The following CERS6 variants were observed in gnomAD, a reference collection of about 807,000 sequenced individuals.
CERS6 encodes the protein ceramide synthase 6, also known as LAG1 homolog, ceramide synthase 6.
CERS6 carries 26 observed loss-of-function variants against 56.8 expected under a neutral mutation model. The observed-to-expected ratio is 0.46, with a 90% CI of 0.34 to 0.63. The LOEUF is 0.63. Ranked by LOEUF, CERS6 falls within the 30% of genes least tolerant of loss-of-function variation. The pLI, the probability that CERS6 is intolerant of heterozygous loss-of-function variation, is 0.01. For synonymous variants in CERS6, 164 were observed against 173.3 expected (o/e 0.95, Z 0.42); for missense variants, 415 against 467.5 (o/e 0.89, Z 1.04).
intron 4 of CERS6, among the ~76,000 whole-genome samples, chr2:168,688,445 A>G (rs1029683327): frequency 3.9e-5 from 6 of 152,106 alleles, no homozygotes; most frequent in Non-Finnish European, 8.8e-5. Flanking sequence ...TTATGCCCAA[A>G]TTATAAACAG....
chr2:168,586,745 T>G (rs1412021989), intron 3 of CERS6, among the ~76,000 whole-genome samples: 4 of 152,164 alleles, frequency 2.6e-5, no homozygotes, highest in Non-Finnish European at 5.9e-5. Flanking sequence ...TCCCTTAATT[T>G]TTTAAGCAAA....
intron 1 of CERS6, among the ~76,000 whole-genome samples, chr2:168,501,259 T>C (rs1017196698): frequency 1.3e-5 from 2 of 152,226 alleles, no homozygotes; most frequent in East Asian, 3.8e-4. Context: ...GGATGAGATA[T>C]GTTTACCCAG....
intron 1 of CERS6, among the ~76,000 whole-genome samples, chr2:168,502,100 A>T (rs530895965): frequency 6.6e-6 from 1 of 152,160 alleles, no homozygotes; most frequent in South Asian, 2.1e-4. Flanking sequence ...CACATTGCGA[A>T]GTTTGTATAC....
intron 8 of CERS6, among the ~76,000 whole-genome samples, chr2:168,735,841 T>C (rs1466958964): frequency 7.1e-6 from 1 of 141,796 alleles, no homozygotes; most frequent in Non-Finnish European, 1.5e-5. Flanking sequence ...GTAATTGTGC[T>C]ACTGCACTCT....
intron 1 of CERS6, among the ~76,000 whole-genome samples, chr2:168,545,323 C>G (rs934048716): frequency 6.6e-5 from 10 of 152,192 alleles, no homozygotes; most frequent in African/African-American, 2.2e-4. Context: ...AATATGTTAA[C>G]AAAGCATCAT....
chr2:168,634,096 G>A (rs1245083890), intron 4 of CERS6, among the ~76,000 whole-genome samples: 1 of 152,128 alleles, frequency 6.6e-6, no homozygotes, highest in African/African-American at 2.4e-5. Context: ...CTAAAAAATA[G>A]GGAAGTAGAC....
chr2:168,682,940 A>G (rs1686257414), intron 4 of CERS6, among the ~76,000 whole-genome samples: 1 of 152,250 alleles, frequency 6.6e-6, no homozygotes, highest in Non-Finnish European at 1.5e-5. Flanking sequence ...TGTATTATTG[A>G]ACAATCCGAT....
chr2:168,515,970 G>A (rs1175599526), intron 1 of CERS6, among the ~76,000 whole-genome samples: 3 of 152,202 alleles, frequency 2.0e-5, no homozygotes, highest in African/African-American at 7.2e-5. Context: ...TTCTCCAAAT[G>A]GAGGTGGAAT....
chr2:168,578,981 A>G (rs1417942745), intron 3 of CERS6, among the ~76,000 whole-genome samples: 1 of 152,136 alleles, frequency 6.6e-6, no homozygotes, highest in African/African-American at 2.4e-5. Context: ...AACAAGAACA[A>G]AATAACAATT....
At chr2:168,565,482 C>T (rs1559000505) in intron 3 of CERS6, among the ~76,000 whole-genome samples, 2 of 152,110 alleles carry the variant, frequency 1.3e-5, no homozygotes, top group African/African-American at 4.8e-5. Flanking sequence ...ATTTGGAGCT[C>T]GTTGCCTGAG....
chr2:168,715,542 T>A (rs573587403), intron 7 of CERS6, among the ~76,000 whole-genome samples: 1 of 152,250 alleles, frequency 6.6e-6, no homozygotes, highest in Admixed American at 6.5e-5. Flanking sequence ...TTATTGCCAA[T>A]ACACATTTAC....
intron 5 of CERS6, among the ~76,000 whole-genome samples, chr2:168,693,540 C>T (rs1686558857): frequency 6.6e-6 from 1 of 152,124 alleles, no homozygotes; most frequent in Non-Finnish European, 1.5e-5. Flanking sequence ...TTCAGCCATC[C>T]ATCTGCCCTG....
chr2:168,700,220 CTG>C (rs2105371693), intron 6 of CERS6, among the ~76,000 whole-genome samples: 1 of 152,344 alleles, frequency 6.6e-6, no homozygotes, highest in Non-Finnish European at 1.5e-5. Context: ...CGGAGAATAA[CTG>C]GAGCCCATTA....
At chr2:168,634,645 T>A (rs1265982828) in intron 4 of CERS6, among the ~76,000 whole-genome samples, 2 of 152,212 alleles carry the variant, frequency 1.3e-5, no homozygotes, top group Non-Finnish European at 2.9e-5. Context: ...ACTCCTGACC[T>A]CAGGTGATCT....
chr2:168,576,642 G>A (rs1263099352), intron 3 of CERS6, among the ~76,000 whole-genome samples: 1 of 152,146 alleles, frequency 6.6e-6, no homozygotes, highest in Non-Finnish European at 1.5e-5. Context: ...AAGAAATCCT[G>A]TATAAACCCA....
In CERS6 at chr2:168,486,596, C is replaced by T. The variant is rs115967586; in HGVS notation, c.170+29978C>T. On this transcript the variant is annotated intron_variant, in intron 1 of 9. Coordinates refer to ENST00000305747, the MANE Select transcript of CERS6 (RefSeq NM_203463.3). Reference sequence around the variant, plus strand: ...TGTTGAAAAGACAATCGTTTTTCCACGGAATTGCCTTTGCTCTTTGGTCAA... The same window carrying T: ...TGTTGAAAAGACAATCGTTTTTCCATGGAATTGCCTTTGCTCTTTGGTCAA... Among the ~76,000 whole-genome samples the T allele has an allele frequency of 1.7e-3, 257 of 150,390 alleles. 2 individuals carry two copies. Among genetic ancestry groups the T allele is most frequent in the African/African-American group, 6.0e-3 (248 of 41,100 alleles).
chr2:168,471,627 A>T (rs1693979927), intron 1 of CERS6, among the ~76,000 whole-genome samples: 2 of 152,184 alleles, frequency 1.3e-5, no homozygotes, highest in South Asian at 4.1e-4. Flanking sequence ...TACTGCATTT[A>T]AAGCAGAACC....
chr2:168,745,629 A>T (rs992774909), intron 8 of CERS6, among the ~76,000 whole-genome samples: 1 of 152,220 alleles, frequency 6.6e-6, no homozygotes, highest in Non-Finnish European at 1.5e-5. Flanking sequence ...AAGAGAACAA[A>T]TGGAAACCCA....
chr2:168,718,091 GGA>G, intron 8 of CERS6, 113 bp downstream of exon 8: 2 of 697,614 alleles, frequency 2.9e-6, no homozygotes, highest in Non-Finnish European at 4.7e-6. Flanking sequence ...ATATTGGGGG[GGA>G]GGGGAAATAC....
Sources: gnomAD v4.1 joint callset for allele counts (sites outside exome capture counted in the v4.1 genomes callset) on GRCh38, gnomAD v4.1.1 for gene constraint, MANE v1.5 for transcripts, NCBI Gene and HGNC (gene_info 2026-07-23, HGNC 2026-07-21) for gene names.